The following CNTN6 variants were observed in gnomAD, a reference collection of about 807,000 sequenced individuals.
The protein encoded by CNTN6 is contactin-6.
In CNTN6, 137 loss-of-function variants were observed where a neutral mutation model predicts 122.8. The observed-to-expected ratio is 1.12, with a 90% CI of 0.97 to 1.29. The LOEUF (loss-of-function observed/expected upper bound fraction) is 1.29. Among genes scored for constraint, CNTN6 ranks in the 50% most tolerant of loss-of-function variants. CNTN6 has a pLI of 0.00. For missense variants in CNTN6, 1,634 were observed against 1,223.4 expected (o/e 1.34, Z -5.01); for synonymous variants, 570 against 426.0 (o/e 1.34, Z -4.16).
intron 1 of CNTN6, among the ~76,000 whole-genome samples, chr3:1,117,016 A>G (rs1270393371): frequency 1.3e-5 from 2 of 152,096 alleles, no homozygotes; most frequent in Admixed American, 6.6e-5. Context: ...CAGCCGGGGA[A>G]TGCCAAGTCA....
At chr3:1,183,576 G>A (rs1054451401) in intron 2 of CNTN6, among the ~76,000 whole-genome samples, 1 of 151,698 alleles carries the variant, frequency 6.6e-6, no homozygotes, top group Non-Finnish European at 1.5e-5. Flanking sequence ...GCACATTCTG[G>A]ACACATTCCT....
At chr3:1,119,619 A>G (rs1283588058) in intron 1 of CNTN6, among the ~76,000 whole-genome samples, 1 of 151,802 alleles carries the variant, frequency 6.6e-6, no homozygotes, top group Admixed American at 6.6e-5. Context: ...ACAGAACTTC[A>G]GTTACTAGAT....
At chr3:1,356,995 CT>C (rs1706664179) in intron 12 of CNTN6, among the ~76,000 whole-genome samples, 1 of 151,818 alleles carries the variant, frequency 6.6e-6, no homozygotes, top group South Asian at 2.1e-4. Flanking sequence ...TTGTCTTGGT[CT>C]TCATGAAAAT....
At chr3:1,219,039 A>G (rs933896538) in intron 2 of CNTN6, among the ~76,000 whole-genome samples, 2 of 152,276 alleles carry the variant, frequency 1.3e-5, no homozygotes, top group African/African-American at 4.8e-5. Context: ...CAAATGTATT[A>G]TAACTCATTT....
intron 1 of CNTN6, among the ~76,000 whole-genome samples, chr3:1,122,190 C>G (rs73105121): frequency 2.0e-5 from 3 of 151,398 alleles, no homozygotes; most frequent in African/African-American, 7.3e-5. Flanking sequence ...TTATATTGTC[C>G]CTGAATGTAT....
chr3:1,352,646 T>C (rs991029937), intron 12 of CNTN6, among the ~76,000 whole-genome samples, 195 bp downstream of exon 12: 4 of 151,832 alleles, frequency 2.6e-5, no homozygotes, highest in Admixed American at 6.6e-5. Flanking sequence ...TAGATGTGAA[T>C]ACTTTGGCAA....
rs1426062090 is a variant in CNTN6, at chr3:1,227,831, G to A, written c.196G>A (p.Gly66Ser). The change falls in exon 4 of 23, where the codon GGC (glycine) becomes AGC (serine). Residue 66 changes from glycine to serine, a missense_variant. By Grantham distance (56) the Gly-to-Ser change is moderately conservative. Coordinates refer to ENST00000446702, the MANE Select transcript of CNTN6 (RefSeq NM_001289080.2). ...TTTTCCTTGAAGGTGGAAGCAAAATGGCACAGACATTGATTTTACTATGAG... is the reference window on the plus strand; with the variant it reads ...TTTTCCTTGAAGGTGGAAGCAAAATAGCACAGACATTGATTTTACTATGAG... ...PSPHYRWKQN[G>S]TDIDFTMSYH... is the part of the protein sequence containing the mutation. 1 of 1,613,156 alleles carries A rather than the reference G, an allele frequency of 6.2e-7. No individual in the cohort carries two copies. The highest frequency in any genetic ancestry group is 8.5e-7 in the Non-Finnish European group (1 of 1,179,726).
chr3:1,328,848 A>G (rs184073881), intron 10 of CNTN6, among the ~76,000 whole-genome samples: 2 of 151,828 alleles, frequency 1.3e-5, no homozygotes, highest in East Asian at 3.9e-4. Flanking sequence ...AGTTGGAAAG[A>G]TTCAGAGGCA....
chr3:1,204,976 A>C (rs2093938701), intron 2 of CNTN6, among the ~76,000 whole-genome samples: 1 of 152,282 alleles, frequency 6.6e-6, no homozygotes, highest in Middle Eastern at 3.4e-3. Flanking sequence ...AATGGAATTG[A>C]GGTTGCTAAT....
intron 2 of CNTN6, among the ~76,000 whole-genome samples, chr3:1,166,424 TTAA>T (rs1192815979): frequency 1.3e-5 from 2 of 152,086 alleles, no homozygotes; most frequent in Non-Finnish European, 2.9e-5. Flanking sequence ...CTTAGTGGAG[TTAA>T]TGATGAGCAA....
chr3:1,372,871 C>A lies in CNTN6; in HGVS notation c.1702C>A (p.Gln568Lys). The A allele has an allele frequency of 6.2e-7, 1 of 1,608,392 alleles. No homozygotes were observed. Among genetic ancestry groups the A allele is most frequent in the South Asian group, 1.1e-5 (1 of 90,508 alleles). Residue 568 changes from glutamine (Q) to lysine (K), a missense_variant, in exon 14 of 23, where the codon CAG (glutamine) becomes AAG (lysine). By Grantham distance (53) the Gln-to-Lys change is moderately conservative. Transcript: ENST00000446702. ...TGGGGATTTGATGATAAGGAATATT[C>A]AGTTACATCATTCAGGAAAATATCT... ...SVGDLMIRNIQLHHSGKYLCT... is the reference protein window; with the variant it reads ...SVGDLMIRNIKLHHSGKYLCT...
intron 20 of CNTN6, among the ~76,000 whole-genome samples, chr3:1,397,889 A>G (rs1695180229): frequency 6.6e-6 from 1 of 152,142 alleles, no homozygotes; most frequent in African/African-American, 2.4e-5. Flanking sequence ...GAGGTGTAAC[A>G]TAAGAAGTTG....
At chr3:1,099,306 C>T (rs2090736204) in intron 1 of CNTN6, among the ~76,000 whole-genome samples, 1 of 151,654 alleles carries the variant, frequency 6.6e-6, no homozygotes, top group African/African-American at 2.4e-5. Flanking sequence ...AAAAAATTAG[C>T]AGGGTGTGGT....
chr3:1,283,980 C>T (rs946907577), intron 5 of CNTN6, among the ~76,000 whole-genome samples: 1 of 152,124 alleles, frequency 6.6e-6, no homozygotes, highest in African/African-American at 2.4e-5. Context: ...GCCTGGGGGA[C>T]AAGAGTGAGA....
intron 11 of CNTN6, among the ~76,000 whole-genome samples, chr3:1,348,157 C>CAAAAAAAAGAAAAAAA (rs1705042316): frequency 1.6e-5 from 1 of 64,302 alleles, no homozygotes; most frequent in Non-Finnish European, 2.8e-5. Flanking sequence ...ATGCTATAGA[C>CAAAAAAAAGAAAAAAA]AAAAAAAAAA....
In CNTN6 at chr3:1,401,427, T is replaced by G. The variant is rs1695691089; in HGVS notation, c.2705-6T>G. ...TTCATTTGGATCTTTGATTATCTCT[T>G]TAAAGCTCCAAGCCAACCACCAGCA... On this transcript the variant is annotated splice_region_variant and splice_polypyrimidine_tract_variant and intron_variant, in intron 20 of 22. Coordinates refer to ENST00000446702, the MANE Select transcript of CNTN6 (RefSeq NM_001289080.2). The G allele has an allele frequency of 1.2e-6, 2 of 1,609,404 alleles. No homozygotes were observed. Among genetic ancestry groups the G allele is most frequent in the Admixed American group, 1.7e-5 (1 of 59,706 alleles).
intron 1 of CNTN6, among the ~76,000 whole-genome samples, chr3:1,128,578 G>A (rs1395896209): frequency 2.6e-5 from 4 of 151,936 alleles, no homozygotes; most frequent in African/African-American, 7.2e-5. Context: ...ATAAATCAAC[G>A]ATTATCTAGA....
At chr3:1,383,827 A>G (rs939500433) in intron 19 of CNTN6, among the ~76,000 whole-genome samples, 2 of 152,306 alleles carry the variant, frequency 1.3e-5, no homozygotes, top group East Asian at 3.9e-4. Flanking sequence ...TGGGTGAGTT[A>G]GTTATTCAGA....
intron 1 of CNTN6, among the ~76,000 whole-genome samples, chr3:1,095,457 T>G (rs1229293493): frequency 6.6e-6 from 1 of 151,894 alleles, no homozygotes; most frequent in African/African-American, 2.4e-5. Context: ...GGTGACAGAG[T>G]GAAACTCCAT....
Sources: gnomAD v4.1 joint callset for allele counts (sites outside exome capture counted in the v4.1 genomes callset) on GRCh38, gnomAD v4.1.1 for gene constraint, MANE v1.5 for transcripts, NCBI Gene and HGNC (gene_info 2026-07-23, HGNC 2026-07-21) for gene names.